The following RUFY3 variants were observed in gnomAD, a reference collection of about 807,000 sequenced individuals.
RUFY3 encodes the protein protein RUFY3.
Under a neutral mutation model 84.0 loss-of-function variants are expected in RUFY3, and 34 were observed. That is an observed-to-expected ratio of 0.40 (90% CI 0.31 to 0.54). The LOEUF (loss-of-function observed/expected upper bound fraction) is 0.54, where lower values mean the gene tolerates loss of function less well. Among genes scored for constraint, RUFY3 ranks in the 20% least tolerant of loss-of-function variants. RUFY3 has a pLI of 0.39. For synonymous variants in RUFY3, 242 were observed against 252.9 expected, an observed-to-expected ratio of 0.96 and a Z score of 0.41; for missense variants, 507 against 736.8, an observed-to-expected ratio of 0.69 and a Z score of 3.61.
intron 6 of RUFY3, 79 bp from the exon 7 acceptor site, chr4:70,775,089 A>G: frequency 2.3e-6 from 2 of 876,804 alleles, no homozygotes; most frequent in Non-Finnish European, 3.4e-6. Flanking sequence ...TTTTATGAAA[A>G]GATGGGGTGG....
At chr4:70,786,638 C>T (rs181163712) in intron 10 of RUFY3, among the ~76,000 whole-genome samples, 1 of 151,972 alleles carries the variant, frequency 6.6e-6, no homozygotes, top group African/African-American at 2.4e-5. Context: ...TTTATATTAT[C>T]AAAACATCAT....
chr4:70,710,838 G>A (rs1263941965), intron 1 of RUFY3, among the ~76,000 whole-genome samples: 5 of 151,616 alleles, frequency 3.3e-5, no homozygotes, highest in African/African-American at 9.7e-5. Context: ...CAAGGCAGGC[G>A]GATCACTTGA....
intron 14 of RUFY3, among the ~76,000 whole-genome samples, chr4:70,796,872 T>A (rs1300537975): frequency 1.3e-5 from 2 of 152,138 alleles, no homozygotes; most frequent in Non-Finnish European, 2.9e-5. Context: ...ACCAATTTGA[T>A]GTTTGTTCTT....
At chr4:70,780,710 A>G (rs1245214713) in intron 8 of RUFY3, among the ~76,000 whole-genome samples, 1 of 152,254 alleles carries the variant, frequency 6.6e-6, no homozygotes, top group African/African-American at 2.4e-5. Flanking sequence ...GAATGAAATG[A>G]TTTAATACAT....
chr4:70,724,865 T>C (rs775052644), intron 1 of RUFY3, among the ~76,000 whole-genome samples: 19 of 152,310 alleles, frequency 1.2e-4, no homozygotes, highest in Non-Finnish European at 2.5e-4. Context: ...ATACCACTGA[T>C]AGTTATTAGA....
intron 1 of RUFY3, among the ~76,000 whole-genome samples, chr4:70,753,912 T>A (rs1329839852): frequency 6.6e-6 from 1 of 152,184 alleles, no homozygotes; most frequent in East Asian, 1.9e-4. Flanking sequence ...TTGCCTGAAG[T>A]CATATAATAG....
intron 5 of RUFY3, among the ~76,000 whole-genome samples, chr4:70,769,130 T>G (rs1440652182): frequency 1.3e-5 from 2 of 152,162 alleles, no homozygotes; most frequent in African/African-American, 4.8e-5. Flanking sequence ...GAGTATCACT[T>G]GAACCCAGAA....
upstream of RUFY3, chr4:70,721,859 G>A (rs1049191423): frequency 1.6e-6 from 2 of 1,230,130 alleles, no homozygotes; most frequent in Non-Finnish European, 2.0e-6. Context: ...ATGAGAGAGA[G>A]AAGCCTAATT....
At chr4:70,709,764 T>C (rs780039241) in intron 1 of RUFY3, among the ~76,000 whole-genome samples, 1 of 152,206 alleles carries the variant, frequency 6.6e-6, no homozygotes, top group Non-Finnish European at 1.5e-5. Flanking sequence ...TTAGTTATTC[T>C]TTTCTCCTTC....
intron 12 of RUFY3, chr4:70,789,985 G>C: frequency 1.4e-6 from 1 of 710,680 alleles, no homozygotes; most frequent in Non-Finnish European, 1.7e-6. Context: ...GGATGCTAGG[G>C]GATATAGAGG....
chr4:70,736,366 T>A (rs1279336315), intron 1 of RUFY3, among the ~76,000 whole-genome samples: 1 of 152,098 alleles, frequency 6.6e-6, no homozygotes, highest in African/African-American at 2.4e-5. Context: ...TAGTATCAGA[T>A]TCTCTTTTTC....
intron 1 of RUFY3, among the ~76,000 whole-genome samples, chr4:70,745,277 AT>A (rs1409848006): frequency 6.6e-6 from 1 of 152,166 alleles, no homozygotes; most frequent in African/African-American, 2.4e-5. Flanking sequence ...TTAGTTTCAT[AT>A]TCTATGTGTT....
At chr4:70,704,817 G>A (rs1220801669) in exon 1 of RUFY3, 4 of 622,298 alleles carry the variant, frequency 6.4e-6, no homozygotes, top group Non-Finnish European at 9.0e-6. Context: ...GAGAAGAAAG[G>A]TGGCGGTGGC....
At chr4:70,753,854 T>C (rs1156987010) in intron 1 of RUFY3, among the ~76,000 whole-genome samples, 2 of 152,128 alleles carry the variant, frequency 1.3e-5, no homozygotes, top group Non-Finnish European at 2.9e-5. Flanking sequence ...AGCCCAACCC[T>C]CTCATTTTAC....
chr4:70,763,510 T>A, intron 2 of RUFY3, 42 bp from the exon 3 acceptor site: 1 of 1,517,522 alleles, frequency 6.6e-7, no homozygotes, highest in South Asian at 1.2e-5. Flanking sequence ...GCGCTTATGT[T>A]GTAAAGAATA....
chr4:70,801,565 ACCACAG>A (rs954739684), intron 15 of RUFY3, among the ~76,000 whole-genome samples: 1 of 152,228 alleles, frequency 6.6e-6, no homozygotes, highest in Admixed American at 6.5e-5. Context: ...GAGGAATGAT[ACCACAG>A]TGAGGTTTTG....
At chr4:70,784,537 T>G (rs1729472988) in intron 9 of RUFY3, among the ~76,000 whole-genome samples, 1 of 152,130 alleles carries the variant, frequency 6.6e-6, no homozygotes, top group Admixed American at 6.5e-5. Context: ...ATGAATGCTA[T>G]GTTATTTTTA....
chr4:70,741,735 TA>T, intron 1 of RUFY3: 1 of 1,290,526 alleles, frequency 7.7e-7, no homozygotes, highest in Non-Finnish European at 1.0e-6. Flanking sequence ...TAAAATTTTC[TA>T]ACCACCTTTT....
At chr4:70,776,781 A>C in intron 7 of RUFY3, among the ~76,000 whole-genome samples, 1 of 152,044 alleles carries the variant, frequency 6.6e-6, no homozygotes, top group Non-Finnish European at 1.5e-5. Flanking sequence ...GTCTCAAAAC[A>C]AAACAAAACA....
Sources: allele counts gnomAD v4.1 joint callset (sites outside exome capture counted in the v4.1 genomes callset), GRCh38; gene constraint gnomAD v4.1.1; transcripts MANE v1.5; gene names NCBI Gene and HGNC (gene_info 2026-07-23, HGNC 2026-07-21).